SIK3: variants seen among roughly 807,000 people sequenced by gnomAD.
SIK3 encodes SIK family kinase 3.
Under a neutral mutation model 144.2 loss-of-function variants are expected in SIK3, and 28 were observed. The ratio of observed to expected loss-of-function variants is 0.19; its 90% CI spans 0.14 to 0.27. SIK3 has a LOEUF of 0.27. Among genes scored for constraint, SIK3 ranks in the 10% least tolerant of loss-of-function variants. The pLI is 1.00. For synonymous variants in SIK3, 686 were observed against 676.3 expected (o/e 1.01, Z -0.22); for missense variants, 1,319 against 1,776.0 (o/e 0.74, Z 4.62).
chr11:116,904,642 C>A (rs1038686525), intron 4 of SIK3: 3 of 152,106 alleles, frequency 2.0e-5, no homozygotes, highest in African/African-American at 7.2e-5. Context: ...ATAAGGAATA[C>A]GAAATATATT....
chr11:116,927,041 G>A (rs1362410867), intron 4 of SIK3, among the ~76,000 whole-genome samples, 178 bp downstream of exon 4: 1 of 151,108 alleles, frequency 6.6e-6, no homozygotes, highest in Non-Finnish European at 1.5e-5. Context: ...AAAAGGGCAG[G>A]GGAGGGGAAG....
At chr11:117,050,409 G>A (rs538399309) in intron 1 of SIK3, among the ~76,000 whole-genome samples, 13 of 152,250 alleles carry the variant, frequency 8.5e-5, no homozygotes, top group East Asian at 3.9e-4. Flanking sequence ...AAATAAGCTG[G>A]GTGTGGTGGC....
intron 1 of SIK3, among the ~76,000 whole-genome samples, chr11:116,995,266 CAAAA>C (rs1215261265): frequency 3.1e-5 from 3 of 96,642 alleles, no homozygotes; most frequent in Admixed American, 1.1e-4. Context: ...GACTCCGTCT[CAAAA>C]AAAAAAAAAA....
intron 3 of SIK3, among the ~76,000 whole-genome samples, chr11:116,945,629 AGTGGCCTCAAAAC>A (rs1037475080): frequency 6.6e-6 from 1 of 152,112 alleles, no homozygotes; most frequent in African/African-American, 2.4e-5. Flanking sequence ...CATTATTGCT[AGTGGCCTCAAAAC>A]CCTTGTCACC....
chr11:116,965,024 T>C (rs761011201), intron 1 of SIK3, among the ~76,000 whole-genome samples: 11 of 152,160 alleles, frequency 7.2e-5, no homozygotes, highest in Non-Finnish European at 1.6e-4. Flanking sequence ...AATGTCTGGA[T>C]AGAGAACAGA....
chr11:116,986,030 C>T (rs1950313693), intron 1 of SIK3, among the ~76,000 whole-genome samples: 1 of 151,986 alleles, frequency 6.6e-6, no homozygotes, highest in African/African-American at 2.4e-5. Flanking sequence ...GTGAAATGAC[C>T]CATCAAGGGC....
chr11:116,945,303 T>G (rs1206160326), intron 3 of SIK3, among the ~76,000 whole-genome samples: 1 of 151,266 alleles, frequency 6.6e-6, no homozygotes, highest in African/African-American at 2.4e-5. Flanking sequence ...TAGACTTTCA[T>G]CTCTCCAACC....
intron 4 of SIK3, among the ~76,000 whole-genome samples, chr11:116,914,164 A>T (rs188573739): frequency 1.3e-5 from 2 of 151,546 alleles, no homozygotes; most frequent in East Asian, 3.9e-4. Flanking sequence ...CTGAAAGGTG[A>T]TGTGAAAATA....
chr11:117,042,925 G>C (rs908900800), intron 1 of SIK3, among the ~76,000 whole-genome samples: 1 of 152,182 alleles, frequency 6.6e-6, no homozygotes, highest in Non-Finnish European at 1.5e-5. Context: ...CTCATTAGCT[G>C]CCACAGTGAA....
intron 21 of SIK3, among the ~76,000 whole-genome samples, chr11:116,850,329 A>G: frequency 6.6e-6 from 1 of 152,182 alleles, no homozygotes; most frequent in Admixed American, 6.5e-5. Context: ...TCTAAGCTCT[A>G]GTCAAATGGG....
chr11:116,901,395 C>T (rs1223511594), intron 4 of SIK3, among the ~76,000 whole-genome samples: 6 of 152,288 alleles, frequency 3.9e-5, no homozygotes, highest in South Asian at 4.2e-4. Flanking sequence ...TGGCCAGCAA[C>T]GAGAGCCTCT....
intron 1 of SIK3, among the ~76,000 whole-genome samples, chr11:117,036,812 G>A (rs755220973): frequency 5.3e-5 from 8 of 152,118 alleles, no homozygotes; most frequent in Admixed American, 2.6e-4. Context: ...ATAAAAATAC[G>A]CAGATTCTTT....
chr11:116,989,144 T>C (rs909867479), intron 1 of SIK3, among the ~76,000 whole-genome samples: 1 of 151,806 alleles, frequency 6.6e-6, no homozygotes, highest in South Asian at 2.1e-4. Context: ...GTTTAAACTT[T>C]AAATGCAGCT....
intron 1 of SIK3, among the ~76,000 whole-genome samples, chr11:117,017,274 G>A (rs998092867): frequency 6.6e-6 from 1 of 151,996 alleles, no homozygotes; most frequent in Non-Finnish European, 1.5e-5. Flanking sequence ...TAATAAATAA[G>A]AAGAAGAAAA....
At chr11:116,920,862 AC>A (rs1442452168) in intron 4 of SIK3, among the ~76,000 whole-genome samples, 60 of 152,240 alleles carry the variant, frequency 3.9e-4, no homozygotes, top group African/African-American at 1.4e-3. Context: ...GTGGAATCTT[AC>A]AAACTACAGT....
At chr11:117,095,069 G>A (rs1955415356) in intron 1 of SIK3, among the ~76,000 whole-genome samples, 1 of 151,982 alleles carries the variant, frequency 6.6e-6, no homozygotes, top group African/African-American at 2.4e-5. Context: ...TAGACGGTTT[G>A]AGAGTTAACA....
At chr11:117,031,678 A>AT (rs1952269473) in intron 1 of SIK3, among the ~76,000 whole-genome samples, 5 of 121,034 alleles carry the variant, frequency 4.1e-5, no homozygotes, top group African/African-American at 1.6e-4. Flanking sequence ...GTACCACCAC[A>AT]CCCGGCTAAT....
chr11:116,878,189 C>G (rs61907566), intron 6 of SIK3, among the ~76,000 whole-genome samples: 44,146 of 152,024 alleles, frequency 0.29, 8,023 homozygotes, highest in Non-Finnish European at 0.41. Context: ...CTGCAAAAGT[C>G]TCCTACCCGG....
In SIK3 at chr11:117,082,174, G is replaced by A. The variant is rs75160500; in HGVS notation, c.273+15969C>T. ...GACAGAACAGAAACCCTCATACATT[G>A]CAGGTAAGAATATAAAATGGGGCAG... On this transcript the variant is annotated intron_variant, in intron 1 of 24. Coordinates refer to ENST00000445177, the MANE Select transcript of SIK3 (RefSeq NM_001366686.3). Among the ~76,000 whole-genome samples the A allele has an allele frequency of 9.7e-3, 1,470 of 152,268 alleles. 24 individuals carry two copies. Among genetic ancestry groups the A allele is most frequent in the African/African-American group, 0.034 (1,404 of 41,548 alleles).
Sources: gnomAD v4.1 joint callset for allele counts (sites outside exome capture counted in the v4.1 genomes callset) on GRCh38, gnomAD v4.1.1 for gene constraint, MANE v1.5 for transcripts, NCBI Gene and HGNC (gene_info 2026-07-23, HGNC 2026-07-21) for gene names.